The following CSMD1 variants were observed in gnomAD, a reference collection of about 807,000 sequenced individuals.
CSMD1 encodes CUB and Sushi multiple domains 1.
CSMD1 carries 213 observed loss-of-function variants against 417.5 expected under a neutral mutation model. The observed-to-expected ratio is 0.51, with a 90% CI of 0.46 to 0.57. The LOEUF (loss-of-function observed/expected upper bound fraction) is 0.57, where lower values mean the gene tolerates loss of function less well. Among genes scored for constraint, CSMD1 ranks in the 20% least tolerant of loss-of-function variants. The pLI, the probability that CSMD1 is intolerant of heterozygous loss-of-function variation, is 0.00. For synonymous variants in CSMD1, 2,862 were observed against 1,736.8 expected, an observed-to-expected ratio of 1.65 and a Z score of -16.11; for missense variants, 6,923 against 4,529.7, an observed-to-expected ratio of 1.53 and a Z score of -15.17.
chr8:4,795,205 T>G (rs993831317), intron 1 of CSMD1, among the ~76,000 whole-genome samples: 1 of 145,492 alleles, frequency 6.9e-6, no homozygotes, highest in African/African-American at 2.5e-5. Context: ...CCAGCTCACA[T>G]ATTGAGGTGC....
chr8:4,216,673 G>A (rs11775073), intron 3 of CSMD1, among the ~76,000 whole-genome samples: 1 of 152,100 alleles, frequency 6.6e-6, no homozygotes, highest in East Asian at 1.9e-4. Context: ...GTGAAGGGAA[G>A]CTTCTCATGT....
intron 39 of CSMD1, among the ~76,000 whole-genome samples, chr8:3,153,089 G>T (rs370627114): frequency 6.6e-6 from 1 of 152,150 alleles, no homozygotes; most frequent in African/African-American, 2.4e-5. Context: ...CAAAATACAG[G>T]TCACAAATAC....
intron 5 of CSMD1, among the ~76,000 whole-genome samples, chr8:3,760,760 A>C (rs547315278): frequency 6.6e-6 from 1 of 152,356 alleles, no homozygotes; most frequent in South Asian, 2.1e-4. Context: ...GAAAATCATC[A>C]GAGAAATGTC....
intron 49 of CSMD1, among the ~76,000 whole-genome samples, chr8:3,062,405 AG>A (rs756695387): frequency 1.3e-5 from 2 of 152,180 alleles, no homozygotes; most frequent in African/African-American, 2.4e-5. Flanking sequence ...GGTGTTTCCA[AG>A]GAGTAAACAC....
intron 1 of CSMD1, among the ~76,000 whole-genome samples, chr8:4,644,078 A>G (rs185023000): frequency 1.8e-3 from 267 of 152,344 alleles, no homozygotes; most frequent in Admixed American, 4.1e-3. Flanking sequence ...AAGAGAGCCA[A>G]GGAATCGATT....
At chr8:4,208,235 G>A (rs921914329) in intron 3 of CSMD1, among the ~76,000 whole-genome samples, 47 of 152,100 alleles carry the variant, frequency 3.1e-4, no homozygotes, top group Non-Finnish European at 8.8e-5. Flanking sequence ...AAAGGTAACT[G>A]CTCCTGTTAT....
intron 2 of CSMD1, among the ~76,000 whole-genome samples, chr8:4,559,444 G>A (rs1309499904): frequency 6.6e-6 from 1 of 152,120 alleles, no homozygotes; most frequent in Non-Finnish European, 1.5e-5. Context: ...GAATAAAGAA[G>A]GGGTTAAAAT....
chr8:4,395,229 C>T (rs1171198255), intron 3 of CSMD1, among the ~76,000 whole-genome samples: 1 of 152,176 alleles, frequency 6.6e-6, no homozygotes, highest in Admixed American at 6.5e-5. Context: ...GTTTTCTCCT[C>T]CCAACTGTTT....
Position 4,729,897 on chromosome 8 carries a change from A to C in CSMD1, c.86-92339T>G, listed in dbSNP as rs145791609. On this transcript the variant is annotated intron_variant, in intron 1 of 69. Transcript: ENST00000635120. ...TAAGGTGATAGGAACCTCATCTGAAACTTCAGCGGGAGTTTTGATTTTCAT... is the reference window on the plus strand; with the variant it reads ...TAAGGTGATAGGAACCTCATCTGAACCTTCAGCGGGAGTTTTGATTTTCAT... Among the ~76,000 whole-genome samples, 1,279 of 152,234 alleles carry C rather than the reference A, an allele frequency of 8.4e-3. 16 individuals carry two copies. The highest frequency in any genetic ancestry group is 0.034 in the Middle Eastern group (10 of 294).
chr8:4,971,606 A>G (rs1376702272), intron 1 of CSMD1, among the ~76,000 whole-genome samples: 1 of 151,936 alleles, frequency 6.6e-6, no homozygotes, highest in Non-Finnish European at 1.5e-5. Flanking sequence ...AAAGACTATG[A>G]TTTCTAATTG....
chr8:4,169,863 G>GCTCACA (rs1584950301), intron 3 of CSMD1, among the ~76,000 whole-genome samples: 4 of 149,634 alleles, frequency 2.7e-5, no homozygotes, highest in African/African-American at 1.0e-4. Context: ...CATCATTTAG[G>GCTCACA]ATACTGTGTA....
At chr8:4,057,852 A>G (rs1019918995) in intron 3 of CSMD1, among the ~76,000 whole-genome samples, 5 of 152,102 alleles carry the variant, frequency 3.3e-5, no homozygotes, top group East Asian at 1.9e-4. Context: ...GTAGATATGC[A>G]GCATTATTTC....
chr8:3,074,382 T>C (rs570054929), intron 49 of CSMD1, among the ~76,000 whole-genome samples: 1 of 152,012 alleles, frequency 6.6e-6, no homozygotes, highest in African/African-American at 2.4e-5. Context: ...GGGAGGAGGG[T>C]CCACCGCACC....
intron 3 of CSMD1, among the ~76,000 whole-genome samples, chr8:4,070,523 A>AT (rs1268737458): frequency 2.6e-5 from 4 of 151,904 alleles, no homozygotes; most frequent in Non-Finnish European, 5.9e-5. Flanking sequence ...ACGGCCGGCT[A>AT]TTTTTTTGTA....
chr8:3,858,042 T>C lies in CSMD1; in HGVS notation c.819-104000A>G, dbSNP rs73661009. Among the ~76,000 whole-genome samples the C allele has an allele frequency of 1.1e-3, 170 of 152,310 alleles. 1 individual carries two copies. Among genetic ancestry groups the C allele is most frequent in the African/African-American group, 3.4e-3 (140 of 41,572 alleles). On this transcript the variant is annotated intron_variant, in intron 5 of 69. Coordinates refer to ENST00000635120, the MANE Select transcript of CSMD1 (RefSeq NM_033225.6). ...ATGTGTTCTTGGAAAAATTAGTGAT[T>C]ATGTGTTGATGGTTGTGTCTGTAAA... is the stretch of plus-strand genomic sequence containing the variant.
intron 2 of CSMD1, among the ~76,000 whole-genome samples, chr8:4,424,015 T>C (rs1243413402): frequency 6.6e-6 from 1 of 152,040 alleles, no homozygotes. Flanking sequence ...TAGCAAATAG[T>C]AAGTTTAACA....
intron 3 of CSMD1, among the ~76,000 whole-genome samples, chr8:4,151,031 G>C (rs760031433): frequency 8.5e-5 from 13 of 152,120 alleles, no homozygotes; most frequent in Admixed American, 3.9e-4. Flanking sequence ...CCCATATGCA[G>C]ACGTAATAAA....
chr8:3,005,626 T>C (rs965189756), intron 52 of CSMD1, among the ~76,000 whole-genome samples: 38 of 152,212 alleles, frequency 2.5e-4, no homozygotes, highest in African/African-American at 9.1e-4. Context: ...ATTACACAAA[T>C]CAATAAATGT....
At chr8:2,968,928 G>A (rs986521732) in intron 57 of CSMD1, among the ~76,000 whole-genome samples, 3 of 151,882 alleles carry the variant, frequency 2.0e-5, no homozygotes. Flanking sequence ...CTTTAACTCA[G>A]CATATAATAA....
Sources: allele counts gnomAD v4.1 joint callset (sites outside exome capture counted in the v4.1 genomes callset), GRCh38; gene constraint gnomAD v4.1.1; transcripts MANE v1.5; gene names NCBI Gene and HGNC (gene_info 2026-07-23, HGNC 2026-07-21).